The following EXPH5 variants were observed in gnomAD, a reference collection of about 807,000 sequenced individuals.
EXPH5 encodes exophilin 5.
EXPH5 carries 42 observed loss-of-function variants against 41.1 expected under a neutral mutation model. The ratio of observed to expected loss-of-function variants is 1.02; its 90% CI spans 0.80 to 1.32. EXPH5 has a LOEUF of 1.32. Ranked by LOEUF, EXPH5 falls within the 40% of genes most tolerant of loss-of-function variation. EXPH5 has a pLI of 0.00. For missense variants in EXPH5, 2,298 were observed against 2,314.5 expected (o/e 0.99, Z 0.15); for synonymous variants, 798 against 833.5 (o/e 0.96, Z 0.73).
At chr11:108,588,166 T>C (rs2846408) in intron 1 of EXPH5, among the ~76,000 whole-genome samples, 129,523 of 152,268 alleles carry the variant, frequency 0.85, 55,730 homozygotes, top group Middle Eastern at 0.92. Context: ...GTCTTCCTTA[T>C]AGAATGCATA....
At chr11:108,574,995 T>A (rs1236412109) in intron 1 of EXPH5, among the ~76,000 whole-genome samples, 1 of 152,198 alleles carries the variant, frequency 6.6e-6, no homozygotes, top group African/African-American at 2.4e-5. Context: ...GATGTATTCT[T>A]ATGTCAGAAA....
At chr11:108,571,089 G>A (rs1232651796) in intron 1 of EXPH5, among the ~76,000 whole-genome samples, 1 of 152,212 alleles carries the variant, frequency 6.6e-6, no homozygotes, top group Non-Finnish European at 1.5e-5. Flanking sequence ...CCTCAGCTCG[G>A]TGGAACTGGG....
Position 108,509,335 on chromosome 11 carries a change from C to G in EXPH5, c.*202G>C. 2.4e-6 allele frequency: 1 copy of G among 415,120 alleles called. No homozygotes were observed. 25.7% of individuals were successfully genotyped at this position (415,120 alleles called of 1,614,324 possible). On this transcript the variant is annotated 3_prime_UTR_variant, in exon 6 of 6. Transcript: ENST00000265843. The stretch of plus-strand genomic sequence containing the variant: ...TTACAGAGATAGAAAATAGCAGAGA[C>G]TCTCTCAAAACAAGAATTCATTGTT...
At chr11:108,605,986 T>C in the EXPH5 span, among the ~76,000 whole-genome samples, 2 of 152,254 alleles carry the variant, frequency 1.3e-5, no homozygotes, top group Non-Finnish European at 2.9e-5. Flanking sequence ...TTCAGCTATA[T>C]GACTTCCCTA....
rs556874331 is a variant in EXPH5, at chr11:108,554,586, T to G, written c.120-12774A>C. On this transcript the variant is annotated intron_variant, in intron 1 of 5. Coordinates refer to ENST00000265843, the MANE Select transcript of EXPH5 (RefSeq NM_015065.3). ...GGGATAATGGGGTTGGGGGTGGGAA[T>G]TATGTATCACCACTCCCAACACAAA... 5.9e-5 allele frequency among the ~76,000 whole-genome samples: 9 copies of G among 151,990 alleles called. 1 individual carries two copies. In the South Asian group the frequency reaches 1.9e-3, roughly 32 times the overall value.
intron 1 of EXPH5, among the ~76,000 whole-genome samples, chr11:108,559,582 C>T (rs2094003446): frequency 6.6e-6 from 1 of 152,192 alleles, no homozygotes; most frequent in Non-Finnish European, 1.5e-5. Flanking sequence ...CTGACCACAT[C>T]CTCTGCACTG....
rs1028415029 is a variant in EXPH5 at position 108,506,815 on chromosome 11, A to C, written c.*2722T>G. 6 of 152,238 alleles carry C rather than the reference A, an allele frequency of 3.9e-5. No homozygotes were observed. The East Asian group carries it at 9.7e-4, about 25-fold the overall frequency. 9.4% of individuals were successfully genotyped at this position (152,238 alleles called of 1,614,324 possible). A position where few individuals can be genotyped will look rare whatever the true frequency, so the allele number is the denominator to read the frequency against. ...AAACCAGCCTGGCCAACATGGCGAA[A>C]CCCCGTCTCTGCTAAAAATACAAAA... On this transcript the variant is annotated 3_prime_UTR_variant, in exon 6 of 6. Transcript: ENST00000265843.
At chr11:108,584,470 C>G (rs1429717515) in intron 1 of EXPH5, among the ~76,000 whole-genome samples, 2 of 151,036 alleles carry the variant, frequency 1.3e-5, no homozygotes, top group African/African-American at 4.9e-5. Context: ...AAAGAGAGAC[C>G]CTGTCTCAAA....
rs1565835628 is a variant in EXPH5 at position 108,584,011 on chromosome 11, G to A, written c.119+9407C>T. ...ACAAGATCAATATCAAAAATCAATT[G>A]TATTTCTCTATACTAGCAATGAACA... On this transcript the variant is annotated intron_variant, in intron 1 of 5. Transcript: ENST00000265843. Among the ~76,000 whole-genome samples, 4 of 152,232 alleles carry A rather than the reference G, an allele frequency of 2.6e-5. No homozygotes were observed. In the South Asian group the frequency reaches 6.2e-4, roughly 24 times the overall value.
chr11:108,532,157 C>T (rs1035460233), intron 3 of EXPH5, among the ~76,000 whole-genome samples: 2 of 150,340 alleles, frequency 1.3e-5, no homozygotes, highest in African/African-American at 4.9e-5. Flanking sequence ...CCTCATAAGT[C>T]CTAGATCCCT....
At chr11:108,530,813 T>C (rs1377888578) in intron 3 of EXPH5, among the ~76,000 whole-genome samples, 15 of 152,200 alleles carry the variant, frequency 9.9e-5, no homozygotes, top group Non-Finnish European at 1.5e-5. Context: ...GGCGTGCCGC[T>C]AGTGGAAGGA....
At chr11:108,551,654 C>A (rs2093965765) in intron 1 of EXPH5, among the ~76,000 whole-genome samples, 3 of 152,112 alleles carry the variant, frequency 2.0e-5, no homozygotes, top group Admixed American at 2.0e-4. Context: ...CTAAGCACCC[C>A]AATCTCTGTC....
At chr11:108,575,812 A>G (rs1295009516) in intron 1 of EXPH5, among the ~76,000 whole-genome samples, 1 of 152,140 alleles carries the variant, frequency 6.6e-6, no homozygotes, top group Non-Finnish European at 1.5e-5. Context: ...CATCTCTACT[A>G]AAAATACAAA....
intron 1 of EXPH5, among the ~76,000 whole-genome samples, chr11:108,570,012 T>C (rs1163428345): frequency 6.6e-6 from 1 of 152,168 alleles, no homozygotes; most frequent in Non-Finnish European, 1.5e-5. Context: ...ATGTTGATGG[T>C]TGACCTGCAA....
At chr11:108,581,780 G>T (rs12276845) in intron 1 of EXPH5, among the ~76,000 whole-genome samples, 37,600 of 151,778 alleles carry the variant, frequency 0.25, 5,225 homozygotes, top group South Asian at 0.37. Context: ...AACAGGGAAA[G>T]AATACAAATT....
At chr11:108,520,394 C>A (rs899728688) in intron 4 of EXPH5, among the ~76,000 whole-genome samples, 1 of 152,024 alleles carries the variant, frequency 6.6e-6, no homozygotes, top group African/African-American at 2.4e-5. Context: ...TAGAACCCCT[C>A]AGATGCCCAT....
intron 4 of EXPH5, among the ~76,000 whole-genome samples, chr11:108,527,552 A>G (rs1314892278): frequency 3.3e-5 from 5 of 152,190 alleles, no homozygotes; most frequent in Non-Finnish European, 7.3e-5. Flanking sequence ...AAACCATACG[A>G]GTTACACAGG....
rs540916882 is a variant in EXPH5, at chr11:108,520,139, G to A, written c.493-1766C>T. On this transcript the variant is annotated intron_variant, in intron 4 of 5. Transcript: ENST00000265843. ...GGGCGAGCATTACCGCCTGAGCTCC[G>A]CCTCCAGTCAGATCAGCCCTGGGAT... Among the ~76,000 whole-genome samples the A allele has an allele frequency of 4.6e-5, 7 of 152,164 alleles. No homozygotes were observed. In the South Asian group the frequency reaches 6.2e-4, roughly 14 times the overall value.
rs115801478 is a variant in EXPH5, at chr11:108,530,731, G to A, written c.444-2547C>T. ...AGGAGCAGGTTTCTGAGAATGGCAG[G>A]TGTGTGGGAGATGCAGCTAAAGGGC... is the stretch of plus-strand genomic sequence containing the variant. On this transcript the variant is annotated intron_variant, in intron 3 of 5. Coordinates refer to ENST00000265843, the MANE Select transcript of EXPH5 (RefSeq NM_015065.3). Among the ~76,000 whole-genome samples, 1,241 of 152,310 alleles carry A rather than the reference G, an allele frequency of 8.1e-3. 18 individuals carry two copies. Among genetic ancestry groups the A allele is most frequent in the African/African-American group, 0.028 (1,169 of 41,552 alleles).
Sources: gnomAD v4.1 joint callset for allele counts (sites outside exome capture counted in the v4.1 genomes callset) on GRCh38, gnomAD v4.1.1 for gene constraint, MANE v1.5 for transcripts, NCBI Gene and HGNC (gene_info 2026-07-23, HGNC 2026-07-21) for gene names.